Variants in DPP6 observed in about 807,000 individuals in gnomAD.
DPP6 encodes A-type potassium channel modulatory protein DPP6.
Under a neutral mutation model 122.6 loss-of-function variants are expected in DPP6, and 69 were observed. That is an observed-to-expected ratio of 0.56 (90% CI 0.46 to 0.69). DPP6 has a LOEUF of 0.69. DPP6 is among the 30% of genes least tolerant of loss of function. DPP6 has a pLI of 0.00. For synonymous variants in DPP6, 418 were observed against 433.1 expected (o/e 0.97, Z 0.43); for missense variants, 928 against 1,116.9 (o/e 0.83, Z 2.41).
chr7:154,314,545 G>A (rs146880612), intron 1 of DPP6, among the ~76,000 whole-genome samples: 5 of 152,294 alleles, frequency 3.3e-5, no homozygotes, highest in South Asian at 2.1e-4. Context: ...TCCAAGATTG[G>A]CATGTGAAGG....
intron 3 of DPP6, among the ~76,000 whole-genome samples, chr7:154,508,113 T>C (rs568730361): frequency 6.6e-6 from 1 of 152,288 alleles, no homozygotes; most frequent in South Asian, 2.1e-4. Flanking sequence ...CCTCTGTTCC[T>C]TCCCTATCCA....
chr7:154,679,513 A>G (rs543482952), intron 7 of DPP6, among the ~76,000 whole-genome samples: 4 of 152,242 alleles, frequency 2.6e-5, no homozygotes, highest in Admixed American at 6.5e-5. Context: ...GCCTCCTCCT[A>G]CAAGTTACAG....
intron 1 of DPP6, among the ~76,000 whole-genome samples, chr7:154,401,168 G>A (rs1319786702): frequency 6.6e-6 from 1 of 151,000 alleles, no homozygotes; most frequent in African/African-American, 2.4e-5. Flanking sequence ...CTGCACTACA[G>A]CCTGGGTGAT....
At chr7:154,874,049 G>A (rs1020901666) in intron 19 of DPP6, among the ~76,000 whole-genome samples, 2 of 124,602 alleles carry the variant, frequency 1.6e-5, no homozygotes, top group Non-Finnish European at 3.4e-5. Flanking sequence ...TCCACATGCA[G>A]CACATATGCA....
chr7:154,372,491 T>C (rs893904559), intron 1 of DPP6, among the ~76,000 whole-genome samples: 3 of 152,152 alleles, frequency 2.0e-5, no homozygotes, highest in Non-Finnish European at 4.4e-5. Context: ...CTAGCCCAGC[T>C]CCCAGACTGG....
At chr7:154,650,068 C>T (rs1318272636) in intron 6 of DPP6, among the ~76,000 whole-genome samples, 3 of 152,094 alleles carry the variant, frequency 2.0e-5, no homozygotes, top group Non-Finnish European at 4.4e-5. Context: ...GCCTATAATC[C>T]CAGCATTTGG....
chr7:154,804,026 C>T, intron 14 of DPP6, 71 bp downstream of exon 14: 1 of 1,558,082 alleles, frequency 6.4e-7, no homozygotes, highest in South Asian at 1.2e-5. Flanking sequence ...TTGTCAATTA[C>T]ACTTATGGAG....
rs186325579 is a variant in DPP6, at chr7:154,388,497, C to T, written c.244-57717C>T. On this transcript the variant is annotated intron_variant, in intron 1 of 25. Transcript: ENST00000377770. ...CTTGGAGTAGTTACTTCAGGATATG[C>T]GACTCTGAGATTTTGGTTTTGATTC... Among the ~76,000 whole-genome samples the T allele has an allele frequency of 4.8e-3, 725 of 152,230 alleles. 21 individuals carry two copies. The highest frequency in any genetic ancestry group is 0.011 in the South Asian group (52 of 4,826).
chr7:153,866,404 T>A, the DPP6 span, among the ~76,000 whole-genome samples: 4 of 152,346 alleles, frequency 2.6e-5, no homozygotes, highest in Admixed American at 6.5e-5. Flanking sequence ...TGATGGCCAG[T>A]GATGATGAGC....
At chr7:153,905,537 T>TGAA (rs1799813840) in intron 1 of DPP6, among the ~76,000 whole-genome samples, 6 of 152,146 alleles carry the variant, frequency 3.9e-5, no homozygotes, top group Non-Finnish European at 1.5e-5. Flanking sequence ...AAGATGGTTC[T>TGAA]CTCACATTGT....
At chr7:154,196,336 A>C (rs1798865549) in intron 1 of DPP6, among the ~76,000 whole-genome samples, 1 of 152,178 alleles carries the variant, frequency 6.6e-6, no homozygotes, top group Non-Finnish European at 1.5e-5. Flanking sequence ...CTAAAAATAC[A>C]AAAATTAGCT....
chr7:154,378,435 T>A (rs1389200060), intron 1 of DPP6, among the ~76,000 whole-genome samples: 1 of 152,214 alleles, frequency 6.6e-6, no homozygotes. Flanking sequence ...ATAGACTGGA[T>A]AGCTTAAACA....
chr7:154,725,913 C>T (rs770840480), intron 7 of DPP6, among the ~76,000 whole-genome samples: 8 of 152,102 alleles, frequency 5.3e-5, no homozygotes, highest in Non-Finnish European at 7.4e-5. Context: ...AGAAACTGGC[C>T]AAAACAAAGG....
chr7:154,585,535 T>C (rs1832381746), intron 5 of DPP6, among the ~76,000 whole-genome samples: 1 of 152,192 alleles, frequency 6.6e-6, no homozygotes, highest in Non-Finnish European at 1.5e-5. Flanking sequence ...GGGGAGTGGT[T>C]ACCAGAACCC....
At chr7:154,111,620 C>CGT (rs71309604) in intron 1 of DPP6, among the ~76,000 whole-genome samples, 14,029 of 134,680 alleles carry the variant, frequency 0.1, 1,426 homozygotes, top group African/African-American at 0.27. Context: ...GGCAGGGTTT[C>CGT]GTGTGTGTGT....
At chr7:153,807,446 C>T in the DPP6 span, among the ~76,000 whole-genome samples, 1 of 151,488 alleles carries the variant, frequency 6.6e-6, no homozygotes, top group Non-Finnish European at 1.5e-5. Context: ...AAAACAAAGA[C>T]CATAGAAGCA....
At chr7:154,301,887 G>A (rs770980195) in intron 1 of DPP6, among the ~76,000 whole-genome samples, 11 of 139,960 alleles carry the variant, frequency 7.9e-5, no homozygotes, top group African/African-American at 2.2e-4. Flanking sequence ...GTGCAATCTC[G>A]GCTCACTGCA....
intron 1 of DPP6, among the ~76,000 whole-genome samples, chr7:154,262,471 G>A (rs4433057): frequency 0.19 from 29,098 of 151,948 alleles, 3,267 homozygotes; most frequent in African/African-American, 0.32. Flanking sequence ...GTGAGAAGGT[G>A]CCGTCTGCAA....
chr7:154,773,166 A>T (rs1314026900), intron 10 of DPP6, among the ~76,000 whole-genome samples: 1 of 152,214 alleles, frequency 6.6e-6, no homozygotes, highest in Non-Finnish European at 1.5e-5. Flanking sequence ...GATGCAGGTT[A>T]TCCTCCTGAG....
Sources: allele counts gnomAD v4.1 joint callset (sites outside exome capture counted in the v4.1 genomes callset), GRCh38; gene constraint gnomAD v4.1.1; transcripts MANE v1.5; gene names NCBI Gene and HGNC (gene_info 2026-07-23, HGNC 2026-07-21).